SPATA9: variants seen among roughly 807,000 people sequenced by gnomAD.
SPATA9 encodes spermatogenesis associated 9, also known as spermatogenesis-associated protein 9.
A neutral mutation model predicts 25.5 loss-of-function variants in SPATA9; 27 were observed. The observed-to-expected ratio is 1.06, with a 90% CI of 0.78 to 1.46. SPATA9 has a LOEUF of 1.46. SPATA9 is among the 40% of genes most tolerant of loss of function. The probability of loss-of-function intolerance (pLI) is 0.00; values close to 1 mark genes in which losing one functional copy is unlikely to be tolerated. For missense variants in SPATA9, 282 were observed against 297.5 expected (o/e 0.95, Z 0.38); for synonymous variants, 102 against 105.7 (o/e 0.97, Z 0.21).
At chr5:95,704,614 C>T in the SPATA9 span, among the ~76,000 whole-genome samples, 2 of 151,938 alleles carry the variant, frequency 1.3e-5, no homozygotes, top group Non-Finnish European at 2.9e-5. Context: ...ATAATATGTT[C>T]CTTATAAATA....
At chr5:95,731,769 C>T in the SPATA9 span, 6 of 1,605,080 alleles carry the variant, frequency 3.7e-6, no homozygotes, top group South Asian at 1.1e-5. Flanking sequence ...CCATCCTCGC[C>T]GCGCGCTGTC....
the SPATA9 span, chr5:95,731,193 G>C: frequency 1.0e-6 from 1 of 1,004,448 alleles, no homozygotes; most frequent in South Asian, 4.1e-5. Context: ...GGAGCTCCCG[G>C]GGCCTCCGCG....
chr5:95,680,535 C>CT (rs755090239), intron 2 of SPATA9, among the ~76,000 whole-genome samples: 4 of 152,170 alleles, frequency 2.6e-5, no homozygotes, highest in African/African-American at 4.8e-5. Context: ...TCTTCATTCT[C>CT]TTCTTTTCTC....
At chr5:95,719,180 T>C in the SPATA9 span, among the ~76,000 whole-genome samples, 2 of 152,004 alleles carry the variant, frequency 1.3e-5, no homozygotes, top group African/African-American at 4.8e-5. Context: ...TGTGTTGAGG[T>C]TCCGGAATGA....
intron 1 of SPATA9, among the ~76,000 whole-genome samples, chr5:95,697,815 C>T (rs1487861853): frequency 6.6e-6 from 1 of 150,508 alleles, no homozygotes; most frequent in Non-Finnish European, 1.5e-5. Context: ...ACCCAGCTCC[C>T]TATAACCATA....
chr5:95,709,600 C>G, the SPATA9 span, among the ~76,000 whole-genome samples: 2 of 152,034 alleles, frequency 1.3e-5, no homozygotes, highest in African/African-American at 4.8e-5. Context: ...ATTATCAGAC[C>G]CTATGGCAGC....
chr5:95,731,613 C>T, the SPATA9 span: 4 of 1,602,470 alleles, frequency 2.5e-6, no homozygotes, highest in Non-Finnish European at 3.4e-6. Context: ...AACTCGCCGC[C>T]CGGGGGCCCC....
chr5:95,731,731 C>T, the SPATA9 span: 6 of 1,612,412 alleles, frequency 3.7e-6, no homozygotes, highest in Non-Finnish European at 5.1e-6. Flanking sequence ...CAGCGCGTGC[C>T]GTGCGCCCCA....
downstream of SPATA9, among the ~76,000 whole-genome samples, chr5:95,655,099 A>G (rs1240676911): frequency 6.6e-6 from 1 of 151,652 alleles, no homozygotes; most frequent in Non-Finnish European, 1.5e-5. Context: ...TTAGCATTCC[A>G]CTCTCTCTAC....
the SPATA9 span, chr5:95,732,068 A>G: frequency 6.2e-7 from 1 of 1,614,194 alleles, no homozygotes; most frequent in Non-Finnish European, 8.5e-7. Flanking sequence ...CTGGTGGTCC[A>G]CGACTGTCCC....
At chr5:95,731,162 T>G in the SPATA9 span, 9 of 1,011,376 alleles carry the variant, frequency 8.9e-6, no homozygotes, top group Non-Finnish European at 1.1e-5. Context: ...GGCGGCTCCT[T>G]TGTGTCCAGC....
At position 95,658,749 on chromosome 5, in the gene SPATA9, A is replaced by G. The variant is rs146262560; in HGVS notation, c.639T>C (p.Tyr213=). ...TGTCTGGCTTCTCCGGCAATGACCT[A>G]TAAGGTTTTGCTTTGATTTCACCTT... ...FAEGEIKAKP[Y]RSLPEKPDIS... Residue 213 remains tyrosine (Y), a synonymous_variant, in exon 5 of 5, where the codon TAT becomes TAC. Transcript: ENST00000274432. 2.6e-5 allele frequency: 42 copies of G among 1,613,828 alleles called. No homozygotes were observed. The highest frequency in any genetic ancestry group is 3.3e-5 in the Admixed American group (2 of 59,970).
the SPATA9 span, chr5:95,731,767 G>T: frequency 6.2e-7 from 1 of 1,605,412 alleles, no homozygotes; most frequent in Non-Finnish European, 8.5e-7. Flanking sequence ...GCCCATCCTC[G>T]CCGCGCGCTG....
At chr5:95,688,331 C>A (rs1753798139) in intron 1 of SPATA9, among the ~76,000 whole-genome samples, 1 of 152,210 alleles carries the variant, frequency 6.6e-6, no homozygotes, top group Non-Finnish European at 1.5e-5. Context: ...AAACTCACTG[C>A]AGCCCCAAAC....
At chr5:95,700,630 G>A (rs566219176), upstream of SPATA9, among the ~76,000 whole-genome samples, 204 of 152,104 alleles carry the variant, frequency 1.3e-3, 1 homozygote, top group African/African-American at 4.7e-3. Flanking sequence ...ATTTTGCCAT[G>A]TTGGCCAGGC....
At chr5:95,730,628 C>T in the SPATA9 span, among the ~76,000 whole-genome samples, 1 of 152,116 alleles carries the variant, frequency 6.6e-6, no homozygotes, top group African/African-American at 2.4e-5. Flanking sequence ...TTTAACTTAC[C>T]AACACGTTAA....
At chr5:95,652,186 T>C (rs1232136153), downstream of SPATA9, 6 of 1,467,268 alleles carry the variant, frequency 4.1e-6, no homozygotes, top group Admixed American at 2.2e-5. Flanking sequence ...AGAAGAAAGC[T>C]GTGAATGAAT....
chr5:95,724,426 G>A, the SPATA9 span, among the ~76,000 whole-genome samples: 1 of 152,180 alleles, frequency 6.6e-6, no homozygotes. Context: ...AAATGTTTGG[G>A]GAGTTAGAAA....
upstream of SPATA9, chr5:95,683,031 C>T (rs1378353611): frequency 3.2e-6 from 4 of 1,256,954 alleles, no homozygotes; most frequent in African/African-American, 6.2e-5. Flanking sequence ...CTTCCGAGAA[C>T]CTGCTACAGA....
Sources: allele counts gnomAD v4.1 joint callset (sites outside exome capture counted in the v4.1 genomes callset), GRCh38; gene constraint gnomAD v4.1.1; transcripts MANE v1.5; gene names NCBI Gene and HGNC (gene_info 2026-07-23, HGNC 2026-07-21).